AFAP1L2: variants seen among roughly 807,000 people sequenced by gnomAD.
The protein encoded by AFAP1L2 is actin filament associated protein 1 like 2, also known as actin filament-associated protein 1-like 2.
In AFAP1L2, 46 loss-of-function variants were observed where a neutral mutation model predicts 99.3. The ratio of observed to expected loss-of-function variants is 0.46; its 90% CI spans 0.37 to 0.59. The LOEUF (loss-of-function observed/expected upper bound fraction) is 0.59. Ranked by LOEUF, AFAP1L2 falls within the 20% of genes least tolerant of loss-of-function variation. AFAP1L2 has a pLI of 0.00. For synonymous variants in AFAP1L2, 397 were observed against 419.1 expected, an observed-to-expected ratio of 0.95 and a Z score of 0.64; for missense variants, 959 against 1,034.9, an observed-to-expected ratio of 0.93 and a Z score of 1.01.
intron 18 of AFAP1L2, 194 bp downstream of exon 18, chr10:114,296,784 G>T: frequency 1.2e-6 from 1 of 819,722 alleles, no homozygotes; most frequent in Non-Finnish European, 1.8e-6. Context: ...ACCAAGTGCA[G>T]ACACCTTTCT....
intron 1 of AFAP1L2, among the ~76,000 whole-genome samples, chr10:114,354,138 G>A (rs900477983): frequency 2.0e-5 from 3 of 152,154 alleles, no homozygotes; most frequent in African/African-American, 7.2e-5. Flanking sequence ...CAAAATAGCT[G>A]ATGAAATGGA....
Position 114,315,784 on chromosome 10 carries a change from C to G in AFAP1L2, c.407-19G>C. On this transcript the variant is annotated intron_variant, in intron 5 of 18. Coordinates refer to ENST00000304129, the MANE Select transcript of AFAP1L2 (RefSeq NM_001001936.3). ...CCGTCCTCTGCAAGGAAGACCAGCTCGGTCAGGGCCCCATGGGGCAGGGGA... is the reference window on the plus strand; with the variant it reads ...CCGTCCTCTGCAAGGAAGACCAGCTGGGTCAGGGCCCCATGGGGCAGGGGA... The G allele has an allele frequency of 6.3e-7, 1 of 1,596,448 alleles. No homozygotes were observed. Among genetic ancestry groups the G allele is most frequent in the Non-Finnish European group, 8.5e-7 (1 of 1,171,034 alleles).
At position 114,342,313 on chromosome 10, in the gene AFAP1L2, C is replaced by T. The variant is rs1015156634; in HGVS notation, c.17-1582G>A. Among the ~76,000 whole-genome samples, 15 of 152,304 alleles carry T rather than the reference C, an allele frequency of 9.8e-5. No homozygotes were observed. The South Asian group carries it at 1.9e-3, about 19-fold the overall frequency. ...CCCTGCTCATACCTAACTAGCTATCCGCTGTAACACCTCAGGTCTTGGTCT... is the reference window on the plus strand; with the variant it reads ...CCCTGCTCATACCTAACTAGCTATCTGCTGTAACACCTCAGGTCTTGGTCT... On this transcript the variant is annotated intron_variant, in intron 1 of 18. Transcript: ENST00000304129.
chr10:114,298,826 C>T (rs560487803), intron 16 of AFAP1L2, among the ~76,000 whole-genome samples: 1 of 152,182 alleles, frequency 6.6e-6, no homozygotes, highest in African/African-American at 2.4e-5. Context: ...GAAATGAAGG[C>T]TGGAAATGAA....
intron 1 of AFAP1L2, among the ~76,000 whole-genome samples, chr10:114,366,966 T>G (rs563324157): frequency 3.9e-5 from 6 of 152,090 alleles, no homozygotes; most frequent in Non-Finnish European, 8.8e-5. Flanking sequence ...GACTCCTGTC[T>G]CAAAAAAACA....
chr10:114,304,645 C>A, intron 11 of AFAP1L2, 74 bp downstream of exon 11: 1 of 1,368,054 alleles, frequency 7.3e-7, no homozygotes. Context: ...GCATTACAGT[C>A]CTGGAGACTG....
intron 2 of AFAP1L2, among the ~76,000 whole-genome samples, chr10:114,334,437 A>G (rs542709039): frequency 4.8e-4 from 73 of 152,346 alleles, no homozygotes; most frequent in Non-Finnish European, 8.1e-4. Context: ...ACTGAGCCAA[A>G]GGACCCAGTT....
Position 114,315,622 on chromosome 10 carries a change from G to A in AFAP1L2, c.550C>T (p.Arg184Cys), listed in dbSNP as rs748304962. 5 of 1,614,136 alleles carry A rather than the reference G, an allele frequency of 3.1e-6. No individual in the cohort carries two copies. The highest frequency in any genetic ancestry group is 2.2e-5 in the South Asian group (2 of 91,080). The change falls in exon 6 of 19, where the codon CGC becomes TGC. Residue 184 changes from arginine to cysteine, a missense_variant. Physicochemically the swap from Arg to Cys is radical, Grantham distance 180 (BLOSUM62 -3). Around this residue, in one of 2 missense-constraint regions of AFAP1L2, gnomAD observed 383 missense variants for 472.8 expected, o/e 0.81. Transcript: ENST00000304129. ...RDARICAFLW[R>C]KKWLGQWAKQ... ...GCCCACTGTCCCAGCCACTTCTTGC[G>A]CCACAGGAAGGCGCAGATGCGGGCG...
the AFAP1L2 span, among the ~76,000 whole-genome samples, chr10:114,282,017 C>CTTTTTTTTTTTTTTTT: frequency 3.2e-3 from 384 of 119,626 alleles, 32 homozygotes; most frequent in African/African-American, 9.6e-3. Context: ...CTTATGTTAC[C>CTTTTTTTTTTTTTTTT]TTTTTTTTTT....
chr10:114,377,917 A>G lies in AFAP1L2; in HGVS notation c.16+26523T>C, dbSNP rs2055017294. On this transcript the variant is annotated intron_variant, in intron 1 of 18. Coordinates refer to ENST00000304129, the MANE Select transcript of AFAP1L2 (RefSeq NM_001001936.3). The surrounding 1 kb of genome is among the most constrained non-coding windows in gnomAD (Gnocchi z 4.0). ...TGTGTTTCCTACACTTCTCAGGAGTACTTCCCAAGAAACTGTATTATGGTT... is the reference window on the plus strand; with the variant it reads ...TGTGTTTCCTACACTTCTCAGGAGTGCTTCCCAAGAAACTGTATTATGGTT... 1.3e-5 allele frequency among the ~76,000 whole-genome samples: 2 copies of G among 152,236 alleles called. No homozygotes were observed. The highest frequency in any genetic ancestry group is 2.9e-5 in the Non-Finnish European group (2 of 68,044).
chr10:114,378,120 C>T (rs2055047171), intron 1 of AFAP1L2, among the ~76,000 whole-genome samples: 1 of 152,226 alleles, frequency 6.6e-6, no homozygotes, highest in African/African-American at 2.4e-5. Context: ...GATTGCTCTG[C>T]TTGCAAGAAC....
At chr10:114,306,431 T>A (rs1590000212) in intron 10 of AFAP1L2, among the ~76,000 whole-genome samples, 1 of 114,264 alleles carries the variant, frequency 8.8e-6, no homozygotes, top group African/African-American at 3.5e-5. Context: ...TTCCTTAGAG[T>A]CCCCCAGATT....
intron 1 of AFAP1L2, among the ~76,000 whole-genome samples, chr10:114,397,334 T>C (rs1406688320): frequency 6.6e-6 from 1 of 152,202 alleles, no homozygotes; most frequent in Non-Finnish European, 1.5e-5. Flanking sequence ...GTCATATAAA[T>C]AGAATCATTC....
intron 1 of AFAP1L2, among the ~76,000 whole-genome samples, chr10:114,346,587 C>T (rs1469387753): frequency 6.6e-6 from 1 of 152,184 alleles, no homozygotes; most frequent in Admixed American, 6.5e-5. Context: ...GTGGCTATTG[C>T]CCTGAGGCCC....
rs79264007 is a variant in AFAP1L2, at chr10:114,395,153, C to A, written c.16+9287G>T. On this transcript the variant is annotated intron_variant, in intron 1 of 18. Transcript: ENST00000304129. ...TTCTCCCTAAGTGTGCAGGAAACTG[C>A]CAAGCAGAAGCCACAGAGGGCTTCT... is the stretch of plus-strand genomic sequence containing the variant. 1.0e-2 allele frequency among the ~76,000 whole-genome samples: 1,517 copies of A among 152,218 alleles called. 10 individuals carry two copies. The highest frequency in any genetic ancestry group is 0.012 in the Non-Finnish European group (845 of 68,014).
intron 1 of AFAP1L2, among the ~76,000 whole-genome samples, chr10:114,346,769 C>T (rs1396325989): frequency 6.6e-6 from 1 of 152,212 alleles, no homozygotes; most frequent in Admixed American, 6.5e-5. Context: ...TCAGGGTTGT[C>T]TGCTTAGGGT....
At chr10:114,344,804 G>C (rs2049275382) in intron 1 of AFAP1L2, among the ~76,000 whole-genome samples, 1 of 152,212 alleles carries the variant, frequency 6.6e-6, no homozygotes, top group African/African-American at 2.4e-5. Context: ...GGCATTTTAA[G>C]AAGAAGGGAT....
At chr10:114,367,331 T>C (rs2053426911) in intron 1 of AFAP1L2, among the ~76,000 whole-genome samples, 1 of 152,234 alleles carries the variant, frequency 6.6e-6, no homozygotes, top group Non-Finnish European at 1.5e-5. Flanking sequence ...GCCAGCTTCA[T>C]GTTCTCTGAG....
At chr10:114,385,181 C>A (rs537083067) in intron 1 of AFAP1L2, among the ~76,000 whole-genome samples, 1 of 152,244 alleles carries the variant, frequency 6.6e-6, no homozygotes, top group East Asian at 1.9e-4. Context: ...AAAGTCCTGG[C>A]TGGACCAGCA....
Sources: gnomAD v4.1 joint callset for allele counts (sites outside exome capture counted in the v4.1 genomes callset) on GRCh38, gnomAD v4.1.1 for gene constraint, gnomAD v4.1.1 regional missense constraint, Gnocchi (gnomAD v3.1) non-coding constraint, MANE v1.5 for transcripts, NCBI Gene and HGNC (gene_info 2026-07-23, HGNC 2026-07-21) for gene names.